Variants in CACNB2 observed in about 807,000 individuals in gnomAD.
CACNB2 encodes the protein voltage-dependent L-type calcium channel subunit beta-2.
A neutral mutation model predicts 73.3 loss-of-function variants in CACNB2; 42 were observed. The ratio of observed to expected loss-of-function variants is 0.57; its 90% confidence interval spans 0.45 to 0.74. The LOEUF is 0.74. Ranked by LOEUF, CACNB2 falls within the 30% of genes least tolerant of loss-of-function variation. The pLI is 0.00. For missense variants in CACNB2, 940 were observed against 853.0 expected (o/e 1.10, Z -1.27); for synonymous variants, 348 against 310.3 (o/e 1.12, Z -1.28).
At chr10:18,512,422 G>T (rs1317624645) in intron 6 of CACNB2, among the ~76,000 whole-genome samples, 1 of 152,016 alleles carries the variant, frequency 6.6e-6, no homozygotes, top group African/African-American at 2.4e-5. Context: ...CCTTGTGTAT[G>T]ACTCCTTTGC....
At chr10:18,150,808 A>T (rs1177811248) in intron 1 of CACNB2, 75 bp from the exon 2 acceptor site, 2 of 934,494 alleles carry the variant, frequency 2.1e-6, no homozygotes, top group African/African-American at 3.5e-5. Flanking sequence ...ATTTTCTGCA[A>T]CTAGGCCTAC....
intron 2 of CACNB2, among the ~76,000 whole-genome samples, chr10:18,201,500 C>G (rs112835307): frequency 3.3e-5 from 5 of 152,258 alleles, no homozygotes; most frequent in African/African-American, 1.2e-4. Flanking sequence ...GTCTTGAACT[C>G]CTGACCTCAT....
intron 2 of CACNB2, among the ~76,000 whole-genome samples, chr10:18,244,443 A>G (rs1290558024): frequency 3.3e-5 from 5 of 152,250 alleles, no homozygotes; most frequent in Admixed American, 2.0e-4. Context: ...CCTAACGTGC[A>G]AAACAGTCTC....
chr10:18,151,075 T>C, intron 2 of CACNB2, 100 bp downstream of exon 2: 1 of 800,460 alleles, frequency 1.2e-6, no homozygotes, highest in Non-Finnish European at 2.2e-6. Context: ...TGTAGTATGA[T>C]TGTACTTACT....
intron 2 of CACNB2, among the ~76,000 whole-genome samples, chr10:18,255,910 A>G (rs948142063): frequency 2.0e-5 from 3 of 152,222 alleles, no homozygotes; most frequent in African/African-American, 7.2e-5. Flanking sequence ...ATTATGAAAG[A>G]GTTCTCTTCT....
intron 3 of CACNB2, among the ~76,000 whole-genome samples, chr10:18,454,852 A>G (rs2047196169): frequency 6.6e-6 from 1 of 152,176 alleles, no homozygotes; most frequent in Admixed American, 6.6e-5. Context: ...CTGCCTGGGC[A>G]ACATAGAAAG....
intron 2 of CACNB2, among the ~76,000 whole-genome samples, chr10:18,270,615 C>T (rs918603222): frequency 2.6e-5 from 4 of 152,184 alleles, no homozygotes; most frequent in Admixed American, 2.0e-4. Flanking sequence ...GCACCTTCAT[C>T]CTCTGGAGTC....
chr10:18,182,639 T>C (rs563534036), intron 2 of CACNB2, among the ~76,000 whole-genome samples: 4 of 151,614 alleles, frequency 2.6e-5, no homozygotes, highest in African/African-American at 4.8e-5. Flanking sequence ...CTGGGCAACG[T>C]GGTAAAACCC....
At chr10:18,180,739 G>A (rs779381557) in intron 2 of CACNB2, among the ~76,000 whole-genome samples, 17 of 152,144 alleles carry the variant, frequency 1.1e-4, no homozygotes, top group Non-Finnish European at 2.5e-4. Context: ...GGCACGGGCC[G>A]GCGGATCACG....
chr10:18,290,113 T>C (rs1427254341), intron 2 of CACNB2, among the ~76,000 whole-genome samples: 4 of 63,756 alleles, frequency 6.3e-5, no homozygotes, highest in African/African-American at 4.1e-4. Context: ...TTTCTTTTTC[T>C]TTTTTTTTTT....
At chr10:18,524,259 A>C (rs1298107002) in intron 9 of CACNB2, among the ~76,000 whole-genome samples, 1 of 152,056 alleles carries the variant, frequency 6.6e-6, no homozygotes, top group Non-Finnish European at 1.5e-5. Flanking sequence ...TGACTTTCAA[A>C]ACGTCAGCAA....
intron 2 of CACNB2, among the ~76,000 whole-genome samples, chr10:18,348,393 C>A (rs2041560506): frequency 6.6e-6 from 1 of 152,090 alleles, no homozygotes; most frequent in Non-Finnish European, 1.5e-5. Context: ...GGCACTGTAG[C>A]TGGAATACAG....
At chr10:18,514,628 C>T (rs1200964525) in intron 7 of CACNB2, 3 of 1,417,028 alleles carry the variant, frequency 2.1e-6, no homozygotes, top group Non-Finnish European at 3.0e-6. Flanking sequence ...CTGTCCCAAG[C>T]AAAGAACCTA....
chr10:18,209,065 C>T (rs1006955628), intron 2 of CACNB2, among the ~76,000 whole-genome samples: 2 of 152,140 alleles, frequency 1.3e-5, no homozygotes, highest in Non-Finnish European at 2.9e-5. Context: ...GCTGCCATTC[C>T]ACATTACCTG....
At chr10:18,149,120 A>G (rs1339203530) in intron 1 of CACNB2, among the ~76,000 whole-genome samples, 1 of 152,180 alleles carries the variant, frequency 6.6e-6, no homozygotes, top group Non-Finnish European at 1.5e-5. Flanking sequence ...ACACCCCCAA[A>G]GAAACAGGCC....
rs1176209975 is a variant in CACNB2, at chr10:18,410,202, T to A, written c.333+8159T>A. Among the ~76,000 whole-genome samples the A allele has an allele frequency of 4.6e-5, 7 of 152,180 alleles. No individual in the cohort carries two copies. The East Asian group carries it at 1.3e-3, about 29-fold the overall frequency. On this transcript the variant is annotated intron_variant, in intron 3 of 13. Coordinates refer to ENST00000324631, the MANE Select transcript of CACNB2 (RefSeq NM_201596.3). ...AACACTTTCTACTCTGCTAGTTAAT[T>A]AGTGCTTGTTCATTGTGTTCTATAT...
At chr10:18,320,234 T>C (rs899603278) in intron 2 of CACNB2, among the ~76,000 whole-genome samples, 5 of 152,340 alleles carry the variant, frequency 3.3e-5, no homozygotes, top group Middle Eastern at 6.8e-3. Flanking sequence ...CTCCAATTTT[T>C]CTACCAGATT....
Position 18,539,404 on chromosome 10 carries a change from T to A in CACNB2, c.1663T>A (p.Phe555Ile). 1 of 1,613,970 alleles carries A rather than the reference T, an allele frequency of 6.2e-7. No homozygotes were observed. The highest frequency in any genetic ancestry group is 8.5e-7 in the Non-Finnish European group (1 of 1,179,988). The change falls in exon 14 of 14, where the codon TTT becomes ATT. Residue 555 changes from phenylalanine to isoleucine, a missense_variant. Physicochemically the swap from Phe to Ile is conservative, Grantham distance 21. Coordinates refer to ENST00000324631, the MANE Select transcript of CACNB2 (RefSeq NM_201596.3). ...TCGCGGCCTCTCCAGGCAAGAGACA[T>A]TTGACTCGGAAACCCAGGAGAGTCG... The part of the protein sequence containing the change: ...TSRGLSRQET[F>I]DSETQESRDS...
At chr10:18,372,749 A>G (rs1366086988) in intron 2 of CACNB2, among the ~76,000 whole-genome samples, 1 of 151,990 alleles carries the variant, frequency 6.6e-6, no homozygotes, top group Non-Finnish European at 1.5e-5. Context: ...TTCCTCATTT[A>G]TGTGTCCTTG....
Sources: gnomAD v4.1 joint callset for allele counts (sites outside exome capture counted in the v4.1 genomes callset) on GRCh38, gnomAD v4.1.1 for gene constraint, MANE v1.5 for transcripts, NCBI Gene and HGNC (gene_info 2026-07-23, HGNC 2026-07-21) for gene names.